The following CD274 variants were observed in gnomAD, a reference collection of about 807,000 sequenced individuals.
The protein encoded by CD274 is programmed cell death 1 ligand 1.
A neutral mutation model predicts 30.1 loss-of-function variants in CD274; 8 were observed. The ratio of observed to expected loss-of-function variants is 0.27; its 90% confidence interval spans 0.16 to 0.48. The LOEUF (loss-of-function observed/expected upper bound fraction) is 0.48, where lower values mean the gene tolerates loss of function less well. CD274 is among the 20% of genes least tolerant of loss of function. The pLI is 0.99. For synonymous variants in CD274, 152 were observed against 124.6 expected, an observed-to-expected ratio of 1.22 and a Z score of -1.46; for missense variants, 353 against 346.6, an observed-to-expected ratio of 1.02 and a Z score of -0.15.
chr9:5,457,793 G>T (rs1183140486), intron 3 of CD274, among the ~76,000 whole-genome samples: 1 of 152,138 alleles, frequency 6.6e-6, no homozygotes, highest in South Asian at 2.1e-4. Flanking sequence ...TATCTCCCAT[G>T]GCATGCAGAG....
intron 3 of CD274, among the ~76,000 whole-genome samples, chr9:5,459,839 G>A (rs530080709): frequency 3.3e-5 from 5 of 152,170 alleles, no homozygotes; most frequent in East Asian, 1.9e-4. Flanking sequence ...TAGTTGTCCC[G>A]ATAAAGCTAT....
chr9:5,455,895 C>CT (rs60239459), intron 1 of CD274, among the ~76,000 whole-genome samples: 11,256 of 152,048 alleles, frequency 0.074, 1,426 homozygotes, highest in African/African-American at 0.26. Flanking sequence ...CTTTTAGTAA[C>CT]TTTTTTCACT....
rs779605993 is a variant in CD274, at chr9:5,457,350, T to C, written c.324T>C (p.Asp108=). The C allele has an allele frequency of 6.2e-7, 1 of 1,614,156 alleles. No individual in the cohort carries two copies. Among genetic ancestry groups the C allele is most frequent in the Non-Finnish European group, 8.5e-7 (1 of 1,180,002 alleles). ...AGATCACAGATGTGAAATTGCAGGA[T>C]GCAGGGGTGTACCGCTGCATGATCA... ...ALQITDVKLQ[D]AGVYRCMISY... The change falls in exon 3 of 7, where the codon GAT becomes GAC. Residue 108 remains aspartate, a synonymous_variant. Coordinates refer to ENST00000381577, the MANE Select transcript of CD274 (RefSeq NM_014143.4).
chr9:5,451,611 T>C (rs1030361988), intron 1 of CD274, among the ~76,000 whole-genome samples: 9 of 152,192 alleles, frequency 5.9e-5, no homozygotes, highest in Non-Finnish European at 1.3e-4. Flanking sequence ...AAACTTAGCC[T>C]TTCTCAGTAA....
At chr9:5,456,252 G>C (rs1819300189) in intron 2 of CD274, 87 bp downstream of exon 2, 1 of 832,808 alleles carries the variant, frequency 1.2e-6, no homozygotes, top group South Asian at 1.5e-5. Flanking sequence ...TAAAATGCAT[G>C]CAATTTTCTT....
Position 5,454,428 on chromosome 9 carries a change from A to C in CD274, c.-14-1672A>C, listed in dbSNP as rs371308157. On this transcript the variant is annotated intron_variant, in intron 1 of 6. Transcript: ENST00000381577. ...CACACACACACTTTTTTTTTTCAGC[A>C]AAAGTGGATTTCTGCTACATGTAGT... Among the ~76,000 whole-genome samples, 357 of 152,062 alleles carry C rather than the reference A, an allele frequency of 2.3e-3. 2 individuals carry two copies. Among genetic ancestry groups the C allele is most frequent in the African/African-American group, 8.4e-3 (348 of 41,512 alleles).
At position 5,470,356 on chromosome 9, in the gene CD274, A is replaced by G. The variant is rs147946526; in HGVS notation, c.*2494A>G. 1 of 232,460 alleles carries G rather than the reference A, an allele frequency of 4.3e-6. No individual in the cohort carries two copies. The highest frequency in any genetic ancestry group is 8.5e-6 in the Non-Finnish European group (1 of 117,530). The allele number at this position is 232,460 out of a possible 1,614,324, so 14.4% of individuals were successfully genotyped here. ...TCCTCCTTGTGGTGTTGGATTTGTA[A>G]GGCACTTTATCCCTTTTGTCTCATG... On this transcript the variant is annotated 3_prime_UTR_variant, in exon 7 of 7. Transcript: ENST00000381577.
chr9:5,469,625 G>T lies in CD274; in HGVS notation c.*1763G>T, dbSNP rs924318098. 50 of 231,962 alleles carry T rather than the reference G, an allele frequency of 2.2e-4. No individual in the cohort carries two copies. Among genetic ancestry groups the T allele is most frequent in the African/African-American group, 1.1e-3 (49 of 45,254 alleles). The allele number at this position is 231,962 out of a possible 1,614,324, so 14.4% of individuals were successfully genotyped here. A position where few individuals can be genotyped will look rare whatever the true frequency, so the allele number is the denominator to read the frequency against. On this transcript the variant is annotated 3_prime_UTR_variant, in exon 7 of 7. Transcript: ENST00000381577. ...AGGGCTGAGGATCCATGCCTTCTTT[G>T]TTTCTAAGTTATCTTTCCCATAGCT...
chr9:5,450,821 A>G (rs1819189588), intron 1 of CD274, among the ~76,000 whole-genome samples: 1 of 152,252 alleles, frequency 6.6e-6, no homozygotes, highest in Admixed American at 6.5e-5. Flanking sequence ...GTTTTGCTCT[A>G]AAAATAATTT....
chr9:5,467,073 G>A (rs115090188), intron 6 of CD274, among the ~76,000 whole-genome samples: 2,050 of 152,168 alleles, frequency 0.013, 48 homozygotes, highest in African/African-American at 0.047. Flanking sequence ...CCTTGCAGCA[G>A]GGGACAAGGA....
At chr9:5,465,651 G>A (rs781235889) in intron 5 of CD274, 45 bp downstream of exon 5, 4 of 1,184,028 alleles carry the variant, frequency 3.4e-6, no homozygotes, top group South Asian at 1.2e-5. Context: ...GGGTGAGGAA[G>A]GGGTGAGAAT....
chr9:5,464,803 G>A lies in CD274; in HGVS notation c.683-696G>A, dbSNP rs554505477. On this transcript the variant is annotated intron_variant, in intron 4 of 6. Transcript: ENST00000381577. ...AGCTTCTATATTAAAGAATGCAAGA[G>A]GGGCCAGGAGCGGAGGCTCATGCCT... 9.4e-4 allele frequency among the ~76,000 whole-genome samples: 143 copies of A among 152,120 alleles called. 1 individual carries two copies. The highest frequency in any genetic ancestry group is 1.4e-3 in the Non-Finnish European group (94 of 68,014).
At chr9:5,453,803 G>T (rs921558370) in intron 1 of CD274, among the ~76,000 whole-genome samples, 11 of 152,184 alleles carry the variant, frequency 7.2e-5, no homozygotes, top group African/African-American at 2.4e-4. Context: ...GACGTTTTAG[G>T]CTGTATGTCT....
intron 6 of CD274, among the ~76,000 whole-genome samples, chr9:5,467,361 C>T (rs1399857774): frequency 6.6e-6 from 1 of 152,204 alleles, no homozygotes; most frequent in Non-Finnish European, 1.5e-5. Context: ...GACCCTTACT[C>T]TTAACCCATC....
At position 5,466,820 on chromosome 9, in the gene CD274, A is replaced by C; in HGVS notation, c.841A>C (p.Lys281Gln). ...TGGCATCCAAGATACAAACTCAAAGAAGCAAAGTGGTAAGAATATCAGAAG... is the reference window on the plus strand; with the variant it reads ...TGGCATCCAAGATACAAACTCAAAGCAGCAAAGTGGTAAGAATATCAGAAG... The part of the protein sequence containing the change: ...KCGIQDTNSK[K>Q]QSDTHLEET Residue 281 changes from lysine to glutamine, a missense_variant, in exon 6 of 7, where the codon AAG becomes CAG. Physicochemically the swap from Lys to Gln is moderately conservative, Grantham distance 53. Coordinates refer to ENST00000381577, the MANE Select transcript of CD274 (RefSeq NM_014143.4). The C allele has an allele frequency of 1.2e-6, 2 of 1,609,854 alleles. No homozygotes were observed. The highest frequency in any genetic ancestry group is 1.7e-6 in the Non-Finnish European group (2 of 1,177,394).
rs762887168 is a variant in CD274, at chr9:5,465,601, GA to G, written c.789del (p.Arg265GlufsTer2). 1 of 1,576,980 alleles carries G rather than the reference GA, an allele frequency of 6.3e-7. No individual in the cohort carries two copies. Among genetic ancestry groups the G allele is most frequent in the South Asian group, 1.1e-5 (1 of 90,290 alleles). Reference sequence around the variant, plus strand: ...GCACTGACATTCATCTTCCGTTTAAGAAAAGGTAGTATTTCCTTAATTGCAG... The same window carrying G: ...GCACTGACATTCATCTTCCGTTTAAGAAAGGTAGTATTTCCTTAATTGCAG... ...GVALTFIFRLRKGRMMDVKKC... is the reference protein window; with the variant it reads ...GVALTFIFRLXKGRMMDVKKC... On this transcript the variant is annotated frameshift_variant, in exon 5 of 7. Coordinates refer to ENST00000381577, the MANE Select transcript of CD274 (RefSeq NM_014143.4). LOFTEE classifies it high-confidence loss of function.
chr9:5,454,072 T>C (rs1338455240), intron 1 of CD274, among the ~76,000 whole-genome samples: 1 of 152,244 alleles, frequency 6.6e-6, no homozygotes, highest in Non-Finnish European at 1.5e-5. Flanking sequence ...ATGTTATTAT[T>C]CTACGTCAGT....
chr9:5,470,418 A>G lies in CD274; in HGVS notation c.*2556A>G, dbSNP rs976184805. On this transcript the variant is annotated 3_prime_UTR_variant, in exon 7 of 7. Transcript: ENST00000381577. ...ATGGCATAGGCAGAGATGATACCTA[A>G]TTCTGCATTTGATTGTCACTTTTTG... The G allele has an allele frequency of 8.7e-6, 2 of 230,476 alleles. No homozygotes were observed. The highest frequency in any genetic ancestry group is 5.7e-5 in the Admixed American group (1 of 17,668). The allele number at this position is 230,476 out of a possible 1,614,324, so 14.3% of individuals were successfully genotyped here.
chr9:5,456,893 C>T (rs184063065), intron 2 of CD274, among the ~76,000 whole-genome samples, 186 bp from the exon 3 acceptor site: 7 of 152,274 alleles, frequency 4.6e-5, no homozygotes, highest in Admixed American at 3.3e-4. Flanking sequence ...GACACTGTGT[C>T]TCAGCATGAG....
Sources: allele counts gnomAD v4.1 joint callset (sites outside exome capture counted in the v4.1 genomes callset), GRCh38; gene constraint gnomAD v4.1.1; transcripts MANE v1.5; gene names NCBI Gene and HGNC (gene_info 2026-07-23, HGNC 2026-07-21).